Variants in ZNF57 observed in about 807,000 individuals in gnomAD.
ZNF57 encodes the protein zinc finger protein 57, also known as zinc finger protein 424.
ZNF57 carries 11 observed loss-of-function variants against 13.4 expected under a neutral mutation model. The observed-to-expected ratio is 0.82, with a 90% confidence interval of 0.52 to 1.36. ZNF57 has a LOEUF of 1.36. Ranked by LOEUF, ZNF57 falls within the 40% of genes most tolerant of loss-of-function variation. The pLI is 0.00. For missense variants in ZNF57, 696 were observed against 667.5 expected, an observed-to-expected ratio of 1.04 and a Z score of -0.47; for synonymous variants, 224 against 238.5, an observed-to-expected ratio of 0.94 and a Z score of 0.56.
At chr19:2,911,805 T>C (rs148085760) in intron 1 of ZNF57, among the ~76,000 whole-genome samples, 3,556 of 152,338 alleles carry the variant, frequency 0.023, 80 homozygotes, top group Middle Eastern at 0.1. Flanking sequence ...ATCTCTCCCA[T>C]GGCTTTTTCA....
intron 1 of ZNF57, among the ~76,000 whole-genome samples, chr19:2,905,412 C>CCCCT (rs1555677385): frequency 1.4e-5 from 1 of 70,290 alleles, no homozygotes; most frequent in Non-Finnish European, 4.3e-5. Flanking sequence ...TGATCGCCCC[C>CCCCT]CCCCCCTCGG....
intron 1 of ZNF57, among the ~76,000 whole-genome samples, chr19:2,906,876 A>G (rs1292176380): frequency 6.6e-6 from 1 of 152,180 alleles, no homozygotes; most frequent in Non-Finnish European, 1.5e-5. Flanking sequence ...AGAGAGGCAC[A>G]GGGCCCGTGG....
rs749254129 is a variant in ZNF57, at chr19:2,916,883, C to T, written c.303-41C>T. ...GTTAATACATCTCAACACATCATTA[C>T]TAAACATACCATACATAAAAATGTC... On this transcript the variant is annotated intron_variant, in intron 3 of 3. Coordinates refer to ENST00000306908, the MANE Select transcript of ZNF57 (RefSeq NM_173480.3). 5 of 1,502,174 alleles carry T rather than the reference C, an allele frequency of 3.3e-6. No individual in the cohort carries two copies. The South Asian group carries it at 5.3e-5, about 16-fold the overall frequency. The allele number at this position is 1,502,174 out of a possible 1,614,324, so 93.1% of individuals were successfully genotyped here. A position where few individuals can be genotyped will look rare whatever the true frequency, so the allele number is the denominator to read the frequency against.
chr19:2,917,409 A>G lies in ZNF57; in HGVS notation c.788A>G (p.Tyr263Cys), dbSNP rs1384885016. 2 of 1,614,204 alleles carry G rather than the reference A, an allele frequency of 1.2e-6. No individual in the cohort carries two copies. The highest frequency in any genetic ancestry group is 3.3e-5 in the Admixed American group (2 of 60,006). Reference protein sequence around the residue: ...KCQECGRAFIYPSTFQRHMTT... With the variant: ...KCQECGRAFICPSTFQRHMTT... ...CAGGAATGTGGGAGAGCCTTCATTT[A>G]TCCCTCGACATTTCAAAGACACATG... Residue 263 changes from tyrosine (Y) to cysteine (C), a missense_variant, in exon 4 of 4, where the codon TAT becomes TGT. By Grantham distance (194) the Tyr-to-Cys change is radical. This residue lies in a region of ZNF57 where 645 missense variants were observed against 591.5 expected (regional missense o/e 1.09). Coordinates refer to ENST00000306908, the MANE Select transcript of ZNF57 (RefSeq NM_173480.3).
intron 1 of ZNF57, among the ~76,000 whole-genome samples, chr19:2,910,553 T>G (rs796970083): frequency 1.0e-5 from 1 of 96,226 alleles, no homozygotes; most frequent in African/African-American, 3.4e-5. Context: ...CGCCGCCTCC[T>G]GGGTTCACGC....
In ZNF57 at chr19:2,918,051, A is replaced by G; in HGVS notation, c.1430A>G (p.Glu477Gly). Residue 477 changes from glutamate to glycine, a missense_variant, in exon 4 of 4, where the codon GAG becomes GGG. By Grantham distance (98) the Glu-to-Gly change is moderately conservative (BLOSUM62 -2). Transcript: ENST00000306908. Reference sequence around the variant, plus strand: ...ATGCACACTGGAGAGAAGCCTTATGAGTGTAAACAATGTGGAAAAACCTTC... The same window carrying G: ...ATGCACACTGGAGAGAAGCCTTATGGGTGTAAACAATGTGGAAAAACCTTC... Reference protein sequence around the residue: ...LRMHTGEKPYECKQCGKTFTW... With the variant: ...LRMHTGEKPYGCKQCGKTFTW... The G allele has an allele frequency of 1.9e-6, 3 of 1,614,228 alleles. No homozygotes were observed. The highest frequency in any genetic ancestry group is 2.2e-5 in the East Asian group (1 of 44,886).
rs748752577 is a variant in ZNF57 at position 2,918,188 on chromosome 19, C to CT, written c.1568dup (p.Arg524GlufsTer26). ...GTGGCACTCCTCCTTCCGGAACCAT[C>CT]TGAGGATGCACACAGGACAGAAATC... is the stretch of plus-strand genomic sequence containing the variant. On this transcript the variant is annotated frameshift_variant, in exon 4 of 4. Transcript: ENST00000306908. LOFTEE classifies it low-confidence loss of function (END_TRUNC). 1.9e-6 allele frequency: 3 copies of CT among 1,614,048 alleles called. No individual in the cohort carries two copies. Among genetic ancestry groups the CT allele is most frequent in the Non-Finnish European group, 2.5e-6 (3 of 1,180,044 alleles).
At chr19:2,908,577 G>A (rs753033678) in intron 1 of ZNF57, among the ~76,000 whole-genome samples, 1 of 147,038 alleles carries the variant, frequency 6.8e-6, no homozygotes, top group African/African-American at 2.5e-5. Flanking sequence ...CCGTCACCAC[G>A]CCCGGCTAAT....
chr19:2,902,305 T>C lies in ZNF57; in HGVS notation c.3+1257T>C, dbSNP rs561145238. Among the ~76,000 whole-genome samples, 3 of 152,252 alleles carry C rather than the reference T, an allele frequency of 2.0e-5. No individual in the cohort carries two copies. In the South Asian group the frequency reaches 6.2e-4, roughly 32 times the overall value. ...GAAAGCTTTATTCGGGCAGCCGGTG[T>C]CAGTAAATGTACTGTACTGTTCTCC... On this transcript the variant is annotated intron_variant, in intron 1 of 3. Transcript: ENST00000306908.
chr19:2,917,070 C>A lies in ZNF57; in HGVS notation c.449C>A (p.Thr150Lys). Residue 150 changes from threonine to lysine, a missense_variant, in exon 4 of 4, where the codon ACG (threonine) becomes AAG (lysine). Thr to Lys is a moderately conservative substitution (Grantham distance 78). Around this residue, in one of 3 missense-constraint regions of ZNF57, gnomAD observed 645 missense variants for 591.5 expected, o/e 1.09. Transcript: ENST00000306908. ...TGCACCAAGTGCAGGACAGTCTTCA[C>A]GCATCTTTCTTCTCTTAAAAGGCAC... ...YECTKCRTVF[T>K]HLSSLKRHVK... is the part of the protein sequence containing the mutation. 1.2e-6 allele frequency: 2 copies of A among 1,614,166 alleles called. No individual in the cohort carries two copies. Among genetic ancestry groups the A allele is most frequent in the East Asian group, 4.5e-5 (2 of 44,884 alleles).
At chr19:2,910,951 C>G (rs1327638010) in intron 1 of ZNF57, among the ~76,000 whole-genome samples, 2 of 151,312 alleles carry the variant, frequency 1.3e-5, no homozygotes, top group African/African-American at 4.8e-5. Context: ...TTGTCTTCCA[C>G]TCTTTTTCTG....
In ZNF57 at chr19:2,908,461, G is replaced by GTTTTTT. The variant is rs60289248; in HGVS notation, c.4-7049_4-7044dup. Among the ~76,000 whole-genome samples, 82 of 122,622 alleles carry GTTTTTT rather than the reference G, an allele frequency of 6.7e-4. 2 individuals carry two copies. The highest frequency in any genetic ancestry group is 2.1e-3 in the African/African-American group (64 of 30,684). The allele number at this position is 122,622 out of a possible 152,430, so 80.4% of individuals were successfully genotyped here. A position where few individuals can be genotyped will look rare whatever the true frequency, so the allele number is the denominator to read the frequency against. On this transcript the variant is annotated intron_variant, in intron 1 of 3. Coordinates refer to ENST00000306908, the MANE Select transcript of ZNF57 (RefSeq NM_173480.3). Reference sequence around the variant, plus strand: ...TTTCATTGTTGTTGTTATTTTTTTGGTTTTTTTTTTTTTTTTTGAGACGGA... The same window carrying GTTTTTT: ...TTTCATTGTTGTTGTTATTTTTTTGGTTTTTTTTTTTTTTTTTTTTTTTGAGACGGA...
In ZNF57 at chr19:2,911,266, C is replaced by T. The variant is rs149277217; in HGVS notation, c.4-4256C>T. Among the ~76,000 whole-genome samples, 638 of 151,718 alleles carry T rather than the reference C, an allele frequency of 4.2e-3. 2 individuals are homozygous for T. The highest frequency in any genetic ancestry group is 6.4e-3 in the Non-Finnish European group (435 of 67,936). ...CTTTTTGTGGCCGGGCACGGTGGCTCATGCCTGTAATCCCAGCACTCTGGG... is the reference window on the plus strand; with the variant it reads ...CTTTTTGTGGCCGGGCACGGTGGCTTATGCCTGTAATCCCAGCACTCTGGG... On this transcript the variant is annotated intron_variant, in intron 1 of 3. Transcript: ENST00000306908.
intron 2 of ZNF57, 99 bp from the exon 3 acceptor site, chr19:2,915,979 G>T: frequency 7.5e-7 from 1 of 1,334,504 alleles, no homozygotes; most frequent in Non-Finnish European, 1.0e-6. Context: ...CCTTATGTCT[G>T]TTATTGATGA....
intron 1 of ZNF57, among the ~76,000 whole-genome samples, chr19:2,910,952 T>A (rs1033058656): frequency 6.6e-5 from 10 of 151,520 alleles, no homozygotes; most frequent in Non-Finnish European, 1.3e-4. Flanking sequence ...TGTCTTCCAC[T>A]CTTTTTCTGC....
At chr19:2,914,138 G>A (rs2088166975) in intron 1 of ZNF57, among the ~76,000 whole-genome samples, 2 of 152,104 alleles carry the variant, frequency 1.3e-5, no homozygotes, top group South Asian at 2.1e-4. Flanking sequence ...ATTTCACCTA[G>A]ATGTTCTCTC....
In ZNF57 at chr19:2,915,565, A is replaced by C; in HGVS notation, c.47A>C (p.Glu16Ala). Residue 16 changes from glutamate (E) to alanine (A), a missense_variant, in exon 2 of 4, where the codon GAG (glutamate) becomes GCG (alanine). Glu to Ala is a moderately radical substitution (Grantham distance 107). This residue lies in a region of ZNF57 where 43 missense variants were observed against 53.5 expected (regional missense o/e 0.80). Transcript: ENST00000306908. ...FEDVAVDFTL[E>A]EWALLDSAQR... ...GATGTGGCTGTGGACTTCACCCTGG[A>C]GGAGTGGGCTTTGCTGGATTCTGCT... The C allele has an allele frequency of 6.2e-7, 1 of 1,613,990 alleles. No homozygotes were observed. The highest frequency in any genetic ancestry group is 8.5e-7 in the Non-Finnish European group (1 of 1,179,928).
chr19:2,905,413 C>G lies in ZNF57; in HGVS notation c.3+4365C>G, dbSNP rs1568179179. Among the ~76,000 whole-genome samples, 2 of 69,856 alleles carry G rather than the reference C, an allele frequency of 2.9e-5. 1 individual carries two copies. The highest frequency in any genetic ancestry group is 5.1e-4 in the East Asian group (2 of 3,918). The allele number at this position is 69,856 out of a possible 152,430, so 45.8% of individuals were successfully genotyped here. On this transcript the variant is annotated intron_variant, in intron 1 of 3. Coordinates refer to ENST00000306908, the MANE Select transcript of ZNF57 (RefSeq NM_173480.3). Reference sequence around the variant, plus strand: ...CTCTTGACTTCAGGTGATCGCCCCCCCCCCCTCGGCATTCCAAAGTATTTG... The same window carrying G: ...CTCTTGACTTCAGGTGATCGCCCCCGCCCCCTCGGCATTCCAAAGTATTTG...
At chr19:2,914,848 C>G (rs1201092445) in intron 1 of ZNF57, among the ~76,000 whole-genome samples, 11 of 152,268 alleles carry the variant, frequency 7.2e-5, no homozygotes. Context: ...AGTCATGTCC[C>G]TTTGCTTAAA....
Sources: gnomAD v4.1 joint callset for allele counts (sites outside exome capture counted in the v4.1 genomes callset) on GRCh38, gnomAD v4.1.1 for gene constraint, gnomAD v4.1.1 regional missense constraint, MANE v1.5 for transcripts, NCBI Gene and HGNC (gene_info 2026-07-23, HGNC 2026-07-21) for gene names.